NEK3: variants seen among roughly 807,000 people sequenced by gnomAD.
NEK3 encodes the protein NIMA related kinase 3, also known as serine/threonine-protein kinase Nek3.
Under a neutral mutation model 66.0 loss-of-function variants are expected in NEK3, and 54 were observed. The observed-to-expected ratio is 0.82, with a 90% CI of 0.66 to 1.03. The LOEUF (loss-of-function observed/expected upper bound fraction) is 1.03, where lower values mean the gene tolerates loss of function less well. Ranked by LOEUF, NEK3 falls within the 50% of genes least tolerant of loss-of-function variation. The pLI is 0.00. For missense variants in NEK3, 593 were observed against 603.0 expected (o/e 0.98, Z 0.17); for synonymous variants, 200 against 206.2 (o/e 0.97, Z 0.26).
chr13:52,137,187 T>C (rs1025869854), intron 11 of NEK3, among the ~76,000 whole-genome samples: 3 of 152,274 alleles, frequency 2.0e-5, no homozygotes, highest in East Asian at 3.9e-4. Context: ...GAAGAGGATA[T>C]ATTAAAATGA....
At chr13:52,157,756 T>C (rs907151454) in intron 1 of NEK3, among the ~76,000 whole-genome samples, 2 of 152,220 alleles carry the variant, frequency 1.3e-5, no homozygotes, top group African/African-American at 2.4e-5. Context: ...GCCTGGTACA[T>C]ACAAGGTCCT....
intron 1 of NEK3, among the ~76,000 whole-genome samples, chr13:52,158,335 A>G (rs1274823341): frequency 1.3e-5 from 2 of 152,230 alleles, no homozygotes; most frequent in African/African-American, 4.8e-5. Context: ...CCTAGAAATA[A>G]TTTCTTCATA....
intron 7 of NEK3, 64 bp downstream of exon 7, chr13:52,151,082 T>C (rs1451022893): frequency 7.9e-7 from 1 of 1,268,784 alleles, no homozygotes; most frequent in Non-Finnish European, 1.1e-6. Flanking sequence ...GACTCTAGCA[T>C]CATTTGCAGG....
intron 1 of NEK3, chr13:52,157,069 T>C (rs1171939506): frequency 1.3e-5 from 2 of 152,084 alleles, no homozygotes; most frequent in African/African-American, 2.4e-5. Flanking sequence ...GAAGAGGAAA[T>C]TGCATATTTA....
At chr13:52,148,351 T>C in intron 8 of NEK3, 64 bp downstream of exon 8, 2 of 1,477,188 alleles carry the variant, frequency 1.4e-6, no homozygotes, top group Middle Eastern at 1.7e-4. Context: ...CTAGAATCTG[T>C]CACATTATTA....
In NEK3 at chr13:52,135,798, T is replaced by C. The variant is rs1202424823; in HGVS notation, c.1240A>G (p.Thr414Ala). The change falls in exon 14 of 16, where the codon ACT becomes GCT. Residue 414 changes from threonine to alanine, a missense_variant. Thr to Ala is a moderately conservative substitution (Grantham distance 58). Transcript: ENST00000610828. ...GCATTCTTAAGGATGTTCAACAAAG[T>C]GTCAGGGGTCTCTTTGAGCCACTGC... ...RKQWLKETPD[T>A]LLNILKNADL... The C allele has an allele frequency of 3.7e-6, 6 of 1,613,600 alleles. No homozygotes were observed. The highest frequency in any genetic ancestry group is 2.2e-5 in the East Asian group (1 of 44,870).
At chr13:52,149,868 C>CAAA (rs76728379) in intron 7 of NEK3, among the ~76,000 whole-genome samples, 1 of 125,982 alleles carries the variant, frequency 7.9e-6, no homozygotes, top group Non-Finnish European at 1.6e-5. Flanking sequence ...GACTCTGTCT[C>CAAA]AAAAAAAAAA....
At chr13:52,145,504 G>A (rs1594026189) in intron 8 of NEK3, among the ~76,000 whole-genome samples, 2 of 151,730 alleles carry the variant, frequency 1.3e-5, no homozygotes, top group East Asian at 3.9e-4. Context: ...TTAGACGCAG[G>A]GTCTTGCTAT....
chr13:52,154,331 T>C lies in NEK3; in HGVS notation c.118-158A>G, dbSNP rs1187716990. Among the ~76,000 whole-genome samples, 3 of 152,314 alleles carry C rather than the reference T, an allele frequency of 2.0e-5. No homozygotes were observed. The East Asian group carries it at 5.8e-4, about 29-fold the overall frequency. On this transcript the variant is annotated intron_variant, in intron 2 of 15. Coordinates refer to ENST00000610828, the MANE Select transcript of NEK3 (RefSeq NM_002498.3). ...GTCAAATGACAAGAGAAAATGCATG[T>C]TGATTTTTCAACTCTGGCTATATTT...
At chr13:52,154,990 T>C (rs1956380887) in intron 2 of NEK3, among the ~76,000 whole-genome samples, 1 of 151,540 alleles carries the variant, frequency 6.6e-6, no homozygotes, top group Non-Finnish European at 1.5e-5. Context: ...GAAATTGCCA[T>C]TGATTGTATA....
chr13:52,150,335 C>T (rs111293129), intron 7 of NEK3, among the ~76,000 whole-genome samples: 5,917 of 151,974 alleles, frequency 0.039, 126 homozygotes, highest in South Asian at 0.066. Context: ...ATTTTGGAAG[C>T]GCCATATAGT....
intron 1 of NEK3, 56 bp from the exon 2 acceptor site, chr13:52,156,304 T>A: frequency 1.5e-6 from 1 of 683,286 alleles, no homozygotes; most frequent in Non-Finnish European, 2.6e-6. Context: ...AAAGCAAAAA[T>A]TAATTCAAAG....
chr13:52,155,171 AAT>A (rs975669394), intron 2 of NEK3, among the ~76,000 whole-genome samples: 1 of 152,108 alleles, frequency 6.6e-6, no homozygotes, highest in Non-Finnish European at 1.5e-5. Context: ...CAAGTTTGAA[AAT>A]CACTGAACGA....
intron 10 of NEK3, among the ~76,000 whole-genome samples, chr13:52,143,686 T>C (rs183508709): frequency 6.6e-6 from 1 of 152,284 alleles, no homozygotes; most frequent in Admixed American, 6.5e-5. Context: ...GACAGCATAA[T>C]CTTTCCGTCA....
At chr13:52,141,883 C>T (rs550201961) in intron 10 of NEK3, among the ~76,000 whole-genome samples, 278 of 150,000 alleles carry the variant, frequency 1.9e-3, no homozygotes, top group African/African-American at 6.5e-3. Context: ...AGTTTGAGAC[C>T]AGCCTGCTCA....
At chr13:52,138,585 A>T (rs1417366624) in intron 11 of NEK3, among the ~76,000 whole-genome samples, 1 of 152,176 alleles carries the variant, frequency 6.6e-6, no homozygotes, top group Non-Finnish European at 1.5e-5. Context: ...TTACTAGTAC[A>T]TTCCATGAAG....
At chr13:52,142,588 C>T (rs910559884) in intron 10 of NEK3, among the ~76,000 whole-genome samples, 3 of 152,194 alleles carry the variant, frequency 2.0e-5, no homozygotes, top group Non-Finnish European at 2.9e-5. Flanking sequence ...TATCTCTTAA[C>T]TAATGGAGAA....
At position 52,156,972 on chromosome 13, in the gene NEK3, A is replaced by G. The variant is rs555050813; in HGVS notation, c.-57-724T>C. 2.0e-5 allele frequency: 3 copies of G among 152,354 alleles called. No individual in the cohort carries two copies. In the East Asian group the frequency reaches 5.8e-4, roughly 29 times the overall value. 9.4% of individuals were successfully genotyped at this position (152,354 alleles called of 1,614,324 possible). On this transcript the variant is annotated intron_variant, in intron 1 of 15. Coordinates refer to ENST00000610828, the MANE Select transcript of NEK3 (RefSeq NM_002498.3). ...GACATCCCATGCAGAGATAACCATA[A>G]ACCTCAACAAATGTAGGCTATTTAA...
At chr13:52,149,869 A>C (rs1313313191) in intron 7 of NEK3, among the ~76,000 whole-genome samples, 3 of 30,634 alleles carry the variant, frequency 9.8e-5, no homozygotes, top group Non-Finnish European at 5.2e-4. Flanking sequence ...ACTCTGTCTC[A>C]AAAAAAAAAA....
Sources: allele counts gnomAD v4.1 joint callset (sites outside exome capture counted in the v4.1 genomes callset), GRCh38; gene constraint gnomAD v4.1.1; transcripts MANE v1.5; gene names NCBI Gene and HGNC (gene_info 2026-07-23, HGNC 2026-07-21).